The following EPS15 variants were observed in gnomAD, a reference collection of about 807,000 sequenced individuals.
The protein encoded by EPS15 is epidermal growth factor receptor pathway substrate 15.
EPS15 carries 72 observed loss-of-function variants against 113.8 expected under a neutral mutation model. The observed-to-expected ratio is 0.63, with a 90% CI of 0.52 to 0.77. The LOEUF (loss-of-function observed/expected upper bound fraction) is 0.77. Among genes scored for constraint, EPS15 ranks in the 30% least tolerant of loss-of-function variants. The pLI is 0.00. For missense variants in EPS15, 1,048 were observed against 1,045.8 expected (o/e 1.00, Z -0.03); for synonymous variants, 344 against 363.4 (o/e 0.95, Z 0.61).
intron 5 of EPS15, 59 bp from the exon 6 acceptor site, chr1:51,465,385 G>A (rs1319281246): frequency 1.1e-5 from 14 of 1,236,468 alleles, no homozygotes; most frequent in Admixed American, 1.0e-4. Context: ...AAGCAATGAA[G>A]AAAAAATGGT....
chr1:51,356,847 C>A lies in EPS15; in HGVS notation c.2545-1G>T. On this transcript the variant is annotated splice_acceptor_variant, in intron 24 of 24. Coordinates refer to ENST00000371733, the MANE Select transcript of EPS15 (RefSeq NM_001981.3). LOFTEE classifies it high-confidence loss of function. ...CGATCATATCTTCTTCAGAGGGATA[C>A]TGCCATTTAAAAGATCGATGAACAA... 1 of 1,603,988 alleles carries A rather than the reference C, an allele frequency of 6.2e-7. No homozygotes were observed. The highest frequency in any genetic ancestry group is 8.5e-7 in the Non-Finnish European group (1 of 1,176,710).
chr1:51,368,209 T>C (rs557747884), intron 21 of EPS15, among the ~76,000 whole-genome samples: 3 of 152,326 alleles, frequency 2.0e-5, no homozygotes, highest in African/African-American at 7.2e-5. Context: ...TATCCGCCCA[T>C]TTGAATGTGT....
intron 12 of EPS15, among the ~76,000 whole-genome samples, chr1:51,422,516 C>G (rs1440623403): frequency 6.6e-6 from 1 of 152,220 alleles, no homozygotes; most frequent in East Asian, 1.9e-4. Flanking sequence ...CAGCATTTAT[C>G]TCTTCTGCTC....
chr1:51,357,389 AAAATATATATAT>A (rs1356607549), intron 24 of EPS15, among the ~76,000 whole-genome samples: 8 of 57,668 alleles, frequency 1.4e-4, no homozygotes, highest in African/African-American at 2.8e-4. Flanking sequence ...AAAAAAAAAA[AAAATATATATAT>A]ATATATATAT....
At chr1:51,508,604 C>A (rs1225981881) in intron 1 of EPS15, among the ~76,000 whole-genome samples, 1 of 152,146 alleles carries the variant, frequency 6.6e-6, no homozygotes, top group African/African-American at 2.4e-5. Flanking sequence ...CAGTGTTCTT[C>A]CCACTACGTA....
At chr1:51,441,629 C>T (rs1652604372) in intron 11 of EPS15, among the ~76,000 whole-genome samples, 1 of 152,048 alleles carries the variant, frequency 6.6e-6, no homozygotes, top group African/African-American at 2.4e-5. Context: ...ATCCCATCTC[C>T]TCATATTTAT....
intron 1 of EPS15, among the ~76,000 whole-genome samples, chr1:51,495,409 T>A (rs921200495): frequency 6.6e-6 from 1 of 151,752 alleles, no homozygotes; most frequent in African/African-American, 2.4e-5. Flanking sequence ...CTTGACTGGT[T>A]TTGGGAACCA....
intron 21 of EPS15, chr1:51,372,385 G>A (rs114926998): frequency 3.7e-6 from 2 of 536,154 alleles, no homozygotes; most frequent in African/African-American, 1.9e-5. Context: ...GTGCTTTTGG[G>A]GTCATGGCAG....
At chr1:51,466,050 A>T (rs1654821147) in intron 5 of EPS15, among the ~76,000 whole-genome samples, 1 of 147,974 alleles carries the variant, frequency 6.8e-6, no homozygotes, top group African/African-American at 2.5e-5. Flanking sequence ...TCTGGGGAAA[A>T]AAAGGAGTGA....
At chr1:51,379,495 C>T (rs923997549) in intron 21 of EPS15, among the ~76,000 whole-genome samples, 24 of 151,758 alleles carry the variant, frequency 1.6e-4, no homozygotes, top group Non-Finnish European at 2.8e-4. Flanking sequence ...TTGAAGGGTT[C>T]GAAAAAAACA....
intron 8 of EPS15, among the ~76,000 whole-genome samples, chr1:51,456,711 T>C (rs564527692): frequency 1.3e-5 from 2 of 152,290 alleles, no homozygotes; most frequent in South Asian, 2.1e-4. Context: ...TTGTAAAATA[T>C]TGATGCTTGT....
chr1:51,406,556 C>T (rs998727365), intron 15 of EPS15, among the ~76,000 whole-genome samples: 2 of 152,116 alleles, frequency 1.3e-5, no homozygotes, highest in Non-Finnish European at 2.9e-5. Context: ...TCTGGGAATG[C>T]TACGTGACTT....
intron 15 of EPS15, 137 bp from the exon 16 acceptor site, chr1:51,406,245 G>T: frequency 1.4e-6 from 1 of 691,040 alleles, no homozygotes. Context: ...GGAAACTGAG[G>T]CAGGAGGACT....
rs116646962 is a variant in EPS15, at chr1:51,480,334, C to T, written c.75+939G>A. Among the ~76,000 whole-genome samples, 1,058 of 152,272 alleles carry T rather than the reference C, an allele frequency of 6.9e-3. 2 individuals are homozygous for T. Among genetic ancestry groups the T allele is most frequent in the Non-Finnish European group, 0.011 (742 of 68,018 alleles). On this transcript the variant is annotated intron_variant, in intron 2 of 24. Coordinates refer to ENST00000371733, the MANE Select transcript of EPS15 (RefSeq NM_001981.3). ...ATTGTCTACACCTTCAAGAAATTAT[C>T]GTCTGATCTATGGTATGCACCCTTG... is the stretch of plus-strand genomic sequence containing the variant.
At chr1:51,512,800 CAT>C (rs112759109) in intron 1 of EPS15, among the ~76,000 whole-genome samples, 9,336 of 150,254 alleles carry the variant, frequency 0.062, 922 homozygotes, top group African/African-American at 0.21. Flanking sequence ...CACTCTCAAA[CAT>C]GTGTGCTGCT....
chr1:51,408,095 G>T, intron 15 of EPS15, 40 bp downstream of exon 15: 2 of 1,525,946 alleles, frequency 1.3e-6, no homozygotes, highest in Non-Finnish European at 1.8e-6. Context: ...AGGACACAGA[G>T]GATCCATTTG....
At chr1:51,471,859 AT>A (rs1255702813) in intron 3 of EPS15, 122 bp from the exon 4 acceptor site, 6 of 782,004 alleles carry the variant, frequency 7.7e-6, no homozygotes, top group Non-Finnish European at 1.3e-5. Flanking sequence ...GAATCATAGA[AT>A]TAAGAGTGGA....
chr1:51,493,452 G>A (rs1331789212), intron 1 of EPS15, among the ~76,000 whole-genome samples: 22 of 150,946 alleles, frequency 1.5e-4, no homozygotes, highest in Admixed American at 6.6e-5. Flanking sequence ...ATGAACTCAG[G>A]AGGCGGAGCT....
chr1:51,510,171 C>G (rs1644593102), intron 1 of EPS15, among the ~76,000 whole-genome samples: 1 of 152,184 alleles, frequency 6.6e-6, no homozygotes, highest in African/African-American at 2.4e-5. Flanking sequence ...TATTATCCCA[C>G]TATTGACCTC....
Sources: gnomAD v4.1 joint callset for allele counts (sites outside exome capture counted in the v4.1 genomes callset) on GRCh38, gnomAD v4.1.1 for gene constraint, MANE v1.5 for transcripts, NCBI Gene and HGNC (gene_info 2026-07-23, HGNC 2026-07-21) for gene names.